The following ST6GALNAC3 variants were observed in gnomAD, a reference collection of about 807,000 sequenced individuals.
The protein encoded by ST6GALNAC3 is ST6 N-acetylgalactosaminide alpha-2,6-sialyltransferase 3, also known as alpha-N-acetylgalactosaminide alpha-2,6-sialyltransferase 3.
A neutral mutation model predicts 32.7 loss-of-function variants in ST6GALNAC3; 25 were observed. The ratio of observed to expected loss-of-function variants is 0.76; its 90% CI spans 0.56 to 1.07. The LOEUF (loss-of-function observed/expected upper bound fraction) is 1.07, where lower values mean the gene tolerates loss of function less well. Ranked by LOEUF, ST6GALNAC3 falls within the 50% of genes least tolerant of loss-of-function variation. The pLI is 0.00. For synonymous variants in ST6GALNAC3, 129 were observed against 133.1 expected, an observed-to-expected ratio of 0.97 and a Z score of 0.21; for missense variants, 355 against 382.4, an observed-to-expected ratio of 0.93 and a Z score of 0.60.
chr1:76,397,692 A>G (rs541836814), intron 2 of ST6GALNAC3, among the ~76,000 whole-genome samples: 7 of 152,090 alleles, frequency 4.6e-5, no homozygotes, highest in Admixed American at 1.3e-4. Context: ...CATTTTTCTT[A>G]GAGCATTTGC....
intron 1 of ST6GALNAC3, among the ~76,000 whole-genome samples, chr1:76,283,950 A>G (rs973825498): frequency 7.9e-5 from 12 of 152,172 alleles, no homozygotes; most frequent in African/African-American, 2.7e-4. Context: ...TGTATAAGGG[A>G]ACCTTTATCA....
chr1:76,378,664 C>CT (rs1553187351), intron 2 of ST6GALNAC3, among the ~76,000 whole-genome samples: 4 of 101,670 alleles, frequency 3.9e-5, no homozygotes, highest in Non-Finnish European at 6.1e-5. Context: ...TTCCTTCCCC[C>CT]CCCCAAAAAA....
chr1:76,456,936 C>T (rs1321983867), intron 3 of ST6GALNAC3, among the ~76,000 whole-genome samples: 2 of 152,130 alleles, frequency 1.3e-5, no homozygotes, highest in African/African-American at 2.4e-5. Flanking sequence ...GACAACATGA[C>T]TGTATATCTA....
Position 76,634,227 on chromosome 1 carries a change from A to C in ST6GALNAC3, c.*5421A>C. ...CATCTTGATGAATAAACAGTCAACT[A>C]CCAAGTTCACATATTTGCCTATGAA... On this transcript the variant is annotated 3_prime_UTR_variant, in exon 5 of 5. Transcript: ENST00000328299. The C allele has an allele frequency of 1.1e-6, 1 of 913,018 alleles. No homozygotes were observed. Among genetic ancestry groups the C allele is most frequent in the Middle Eastern group, 5.6e-4 (1 of 1,780 alleles). 56.6% of individuals were successfully genotyped at this position (913,018 alleles called of 1,614,324 possible).
intron 1 of ST6GALNAC3, among the ~76,000 whole-genome samples, chr1:76,207,302 T>A (rs1333922677): frequency 1.3e-5 from 2 of 152,234 alleles, no homozygotes; most frequent in East Asian, 3.8e-4. Flanking sequence ...CTCGCCTGCC[T>A]GTGTGCCTGT....
chr1:76,622,581 AG>A (rs1007236320), intron 3 of ST6GALNAC3, among the ~76,000 whole-genome samples: 20 of 151,908 alleles, frequency 1.3e-4, no homozygotes, highest in African/African-American at 4.8e-4. Context: ...CTTGGAACAG[AG>A]GGGAATCTGA....
At chr1:76,548,178 G>GC (rs1664411523) in intron 3 of ST6GALNAC3, among the ~76,000 whole-genome samples, 1 of 152,062 alleles carries the variant, frequency 6.6e-6, no homozygotes, top group African/African-American at 2.4e-5. Flanking sequence ...CCACTTCTCT[G>GC]CCCCATTCTT....
chr1:76,570,580 T>C (rs566186088), intron 3 of ST6GALNAC3, among the ~76,000 whole-genome samples: 1 of 152,238 alleles, frequency 6.6e-6, no homozygotes, highest in East Asian at 1.9e-4. Flanking sequence ...TTCACTTACT[T>C]CTAACTCAAA....
intron 2 of ST6GALNAC3, among the ~76,000 whole-genome samples, chr1:76,379,105 C>A (rs1001606264): frequency 1.3e-5 from 2 of 152,120 alleles, no homozygotes; most frequent in African/African-American, 4.8e-5. Context: ...ACTGTGTTAG[C>A]CAGGATGGTC....
chr1:76,259,947 T>G (rs1375428857), intron 1 of ST6GALNAC3, among the ~76,000 whole-genome samples: 1 of 152,152 alleles, frequency 6.6e-6, no homozygotes, highest in Non-Finnish European at 1.5e-5. Context: ...GACTGGTCCC[T>G]CTGTCTTCTT....
chr1:76,446,883 A>G (rs896824625), intron 3 of ST6GALNAC3, among the ~76,000 whole-genome samples: 2 of 152,040 alleles, frequency 1.3e-5, no homozygotes, highest in Non-Finnish European at 2.9e-5. Flanking sequence ...TTCCTGTATA[A>G]ATTACCCAGT....
At chr1:76,562,412 G>C (rs1252995288) in intron 3 of ST6GALNAC3, among the ~76,000 whole-genome samples, 1 of 152,170 alleles carries the variant, frequency 6.6e-6, no homozygotes, top group African/African-American at 2.4e-5. Context: ...AACTACCATA[G>C]TGGCAATGGG....
intron 3 of ST6GALNAC3, among the ~76,000 whole-genome samples, chr1:76,537,014 C>A (rs10873891): frequency 0.68 from 103,020 of 152,038 alleles, 35,934 homozygotes; most frequent in Non-Finnish European, 0.76. Flanking sequence ...GAACTCTCCA[C>A]GCCAAATTAA....
intron 2 of ST6GALNAC3, among the ~76,000 whole-genome samples, chr1:76,329,935 A>G (rs769226447): frequency 5.3e-5 from 8 of 151,702 alleles, no homozygotes; most frequent in Non-Finnish European, 1.5e-5. Flanking sequence ...CAGCCTCCCA[A>G]GTAGCTGGGA....
At chr1:76,262,551 A>G (rs1337387536) in intron 1 of ST6GALNAC3, among the ~76,000 whole-genome samples, 1 of 152,216 alleles carries the variant, frequency 6.6e-6, no homozygotes, top group African/African-American at 2.4e-5. Flanking sequence ...GATGAAAATA[A>G]TATTCAAGAG....
At chr1:76,150,801 A>G (rs1650993462) in intron 1 of ST6GALNAC3, among the ~76,000 whole-genome samples, 1 of 152,194 alleles carries the variant, frequency 6.6e-6, no homozygotes, top group Non-Finnish European at 1.5e-5. Context: ...CTGTGATCTA[A>G]TGGTGGTCTG....
intron 2 of ST6GALNAC3, among the ~76,000 whole-genome samples, chr1:76,352,883 A>T (rs1649110816): frequency 1.3e-5 from 2 of 152,036 alleles, no homozygotes; most frequent in Admixed American, 1.3e-4. Flanking sequence ...GCCTTCCTCC[A>T]CATTCCATCT....
intron 3 of ST6GALNAC3, among the ~76,000 whole-genome samples, chr1:76,456,093 A>G (rs1452077285): frequency 1.3e-5 from 2 of 152,038 alleles, no homozygotes; most frequent in African/African-American, 2.4e-5. Context: ...AATTGCTTGA[A>G]CCCACGAGGT....
At chr1:76,186,712 A>G (rs1455486104) in intron 1 of ST6GALNAC3, among the ~76,000 whole-genome samples, 1 of 152,140 alleles carries the variant, frequency 6.6e-6, no homozygotes, top group Non-Finnish European at 1.5e-5. Flanking sequence ...GAAATTGTAC[A>G]TGTAACTCAT....
Sources: allele counts gnomAD v4.1 joint callset (sites outside exome capture counted in the v4.1 genomes callset), GRCh38; gene constraint gnomAD v4.1.1; transcripts MANE v1.5; gene names NCBI Gene and HGNC (gene_info 2026-07-23, HGNC 2026-07-21).